The following SEMA3A variants were observed in gnomAD, a reference collection of about 807,000 sequenced individuals.
SEMA3A encodes the protein semaphorin-3A.
In SEMA3A, 29 loss-of-function variants were observed where a neutral mutation model predicts 97.9. That is an observed-to-expected ratio of 0.30 (90% confidence interval 0.22 to 0.40). The LOEUF (loss-of-function observed/expected upper bound fraction) is 0.40, where lower values mean the gene tolerates loss of function less well. Ranked by LOEUF, SEMA3A falls within the 10% of genes least tolerant of loss-of-function variation. The pLI is 1.00. For synonymous variants in SEMA3A, 321 were observed against 323.7 expected, an observed-to-expected ratio of 0.99 and a Z score of 0.09; for missense variants, 763 against 951.3, an observed-to-expected ratio of 0.80 and a Z score of 2.60.
chr7:84,354,509 T>C (rs1025762641), intron 2 of SEMA3A, among the ~76,000 whole-genome samples: 1 of 151,546 alleles, frequency 6.6e-6, no homozygotes, highest in African/African-American at 2.4e-5. Flanking sequence ...AATAGATTAT[T>C]TTAGGAGAAT....
chr7:84,264,522 T>G (rs1799941759), intron 3 of SEMA3A, among the ~76,000 whole-genome samples: 4 of 152,202 alleles, frequency 2.6e-5, no homozygotes, highest in Admixed American at 2.6e-4. Flanking sequence ...CATATTTTCA[T>G]TAGCTTTCTA....
chr7:84,001,842 TTAGAAGGGTATGTATGC>T, intron 12 of SEMA3A, 96 bp downstream of exon 12: 1 of 527,828 alleles, frequency 1.9e-6, no homozygotes, highest in Non-Finnish European at 3.3e-6. Flanking sequence ...GACAAGCTAA[TTAGAAGGGTATGTATGC>T]TAGACTACTT....
chr7:84,012,017 A>G (rs1790901268), intron 7 of SEMA3A, among the ~76,000 whole-genome samples: 1 of 151,350 alleles, frequency 6.6e-6, no homozygotes, highest in Non-Finnish European at 1.5e-5. Context: ...CCTCACTTAT[A>G]TGTGGAATAT....
rs185200868 is a variant in SEMA3A, at chr7:84,106,633, A to C, written c.453+3837T>G. On this transcript the variant is annotated intron_variant, in intron 4 of 16. Transcript: ENST00000265362. ...GCAAACGGTTGTATTATTACTTTAAAGGAACCATTAATTTCTTCCTATAAG... is the reference window on the plus strand; with the variant it reads ...GCAAACGGTTGTATTATTACTTTAACGGAACCATTAATTTCTTCCTATAAG... Among the ~76,000 whole-genome samples the C allele has an allele frequency of 1.3e-3, 199 of 152,334 alleles. 2 individuals are homozygous for C. The highest frequency in any genetic ancestry group is 2.0e-3 in the Non-Finnish European group (136 of 68,020).
At chr7:84,055,702 T>C (rs1324976506) in intron 5 of SEMA3A, among the ~76,000 whole-genome samples, 1 of 152,254 alleles carries the variant, frequency 6.6e-6, no homozygotes, top group East Asian at 1.9e-4. Context: ...ATCGGAGCTG[T>C]TCCTATTCAG....
intron 2 of SEMA3A, among the ~76,000 whole-genome samples, chr7:84,361,449 G>C (rs1335563763): frequency 1.3e-5 from 2 of 152,014 alleles, no homozygotes; most frequent in Non-Finnish European, 2.9e-5. Context: ...TTGCAAGGTA[G>C]AGGAAATTCT....
At chr7:84,009,085 C>T (rs1188584175) in intron 9 of SEMA3A, among the ~76,000 whole-genome samples, 1 of 152,226 alleles carries the variant, frequency 6.6e-6, no homozygotes, top group Non-Finnish European at 1.5e-5. Flanking sequence ...GGTCCCTAGA[C>T]AAACAACATG....
chr7:84,054,680 G>A (rs4278094), intron 5 of SEMA3A, among the ~76,000 whole-genome samples: 47,356 of 129,788 alleles, frequency 0.36, 8,769 homozygotes, highest in Non-Finnish European at 0.48. Context: ...TAATTTGATC[G>A]TCTGAAGCCT....
intron 1 of SEMA3A, among the ~76,000 whole-genome samples, chr7:84,150,779 T>TG (rs1358622365): frequency 6.6e-6 from 1 of 152,074 alleles, no homozygotes; most frequent in Admixed American, 6.6e-5. Context: ...GCTCCACCTC[T>TG]GGGGGCAGGG....
chr7:84,384,052 C>A (rs1051234670), intron 1 of SEMA3A, among the ~76,000 whole-genome samples: 1 of 152,226 alleles, frequency 6.6e-6, no homozygotes, highest in South Asian at 2.1e-4. Context: ...TTGGATGGTA[C>A]TTCTAGGACA....
At chr7:84,357,306 C>T (rs539052978) in intron 2 of SEMA3A, among the ~76,000 whole-genome samples, 7 of 134,778 alleles carry the variant, frequency 5.2e-5, no homozygotes, top group African/African-American at 1.7e-4. Context: ...CCACAACAGG[C>T]CCTGGCATGT....
At chr7:84,296,613 G>T (rs1584213012) in intron 3 of SEMA3A, among the ~76,000 whole-genome samples, 1 of 152,008 alleles carries the variant, frequency 6.6e-6, no homozygotes, top group Admixed American at 6.6e-5. Context: ...AACTGCAATT[G>T]ATTTTTTTCT....
At chr7:84,198,967 A>AT (rs1436870746), upstream of SEMA3A, among the ~76,000 whole-genome samples, 2 of 152,160 alleles carry the variant, frequency 1.3e-5, no homozygotes, top group African/African-American at 4.8e-5. Flanking sequence ...TTGGCTATGT[A>AT]TTTTTTATCT....
chr7:84,421,936 T>G (rs1030344339), intron 1 of SEMA3A, among the ~76,000 whole-genome samples: 1 of 152,088 alleles, frequency 6.6e-6, no homozygotes, highest in African/African-American at 2.4e-5. Flanking sequence ...TTATTGAGGA[T>G]TTTTGCATCA....
chr7:84,064,188 G>A (rs1207786339), intron 4 of SEMA3A, among the ~76,000 whole-genome samples: 1 of 151,938 alleles, frequency 6.6e-6, no homozygotes. Context: ...AAGCGAAGGA[G>A]AAATAAAATA....
rs1801611789 is a variant in SEMA3A, at chr7:84,320,150, C to T, written c.-168-12858G>A. On this transcript the variant is annotated intron_variant, in intron 2 of 3. Coordinates refer to the SEMA3A transcript ENST00000424555. ...ATAATGGAAGCACTGATTCCCTTGACCACACATCAAGATAATTTGGTAATA... is the reference window on the plus strand; with the variant it reads ...ATAATGGAAGCACTGATTCCCTTGATCACACATCAAGATAATTTGGTAATA... Among the ~76,000 whole-genome samples the T allele has an allele frequency of 2.6e-5, 4 of 152,158 alleles. No individual in the cohort carries two copies. The South Asian group carries it at 8.3e-4, about 32-fold the overall frequency.
intron 2 of SEMA3A, among the ~76,000 whole-genome samples, chr7:84,356,974 G>T (rs926729986): frequency 3.3e-5 from 5 of 151,694 alleles, no homozygotes; most frequent in Non-Finnish European, 7.4e-5. Flanking sequence ...TTAAAAAAAA[G>T]TTGCTAGGCA....
At chr7:84,477,921 A>T (rs1442357822) in intron 1 of SEMA3A, among the ~76,000 whole-genome samples, 1 of 152,108 alleles carries the variant, frequency 6.6e-6, no homozygotes, top group Admixed American at 6.5e-5. Flanking sequence ...TTCTGCCTGG[A>T]CTTTCTTTTG....
intron 3 of SEMA3A, among the ~76,000 whole-genome samples, chr7:84,304,615 A>T (rs903933514): frequency 6.6e-6 from 1 of 152,086 alleles, no homozygotes; most frequent in Non-Finnish European, 1.5e-5. Flanking sequence ...TACTGCTGGC[A>T]CTAATGTATC....
Sources: gnomAD v4.1 joint callset for allele counts (sites outside exome capture counted in the v4.1 genomes callset) on GRCh38, gnomAD v4.1.1 for gene constraint, MANE v1.5 for transcripts, NCBI Gene and HGNC (gene_info 2026-07-23, HGNC 2026-07-21) for gene names.